LGALS8: variants seen among roughly 807,000 people sequenced by gnomAD.
The protein encoded by LGALS8 is galectin-8.
Under a neutral mutation model 35.9 loss-of-function variants are expected in LGALS8, and 30 were observed. That is an observed-to-expected ratio of 0.83 (90% CI 0.62 to 1.13). The LOEUF (loss-of-function observed/expected upper bound fraction) is 1.13. Among genes scored for constraint, LGALS8 ranks in the 50% most tolerant of loss-of-function variants. The pLI is 0.00. For synonymous variants in LGALS8, 138 were observed against 136.1 expected, an observed-to-expected ratio of 1.01 and a Z score of -0.10; for missense variants, 366 against 388.7, an observed-to-expected ratio of 0.94 and a Z score of 0.49.
At chr1:236,532,553 T>A (rs892280635) in intron 2 of LGALS8, among the ~76,000 whole-genome samples, 2 of 151,914 alleles carry the variant, frequency 1.3e-5, no homozygotes, top group Non-Finnish European at 2.9e-5. Context: ...CTGAAACCTG[T>A]CTCCCAGGCC....
chr1:236,518,403 AG>A (rs1326559377), intron 1 of LGALS8: 2 of 152,212 alleles, frequency 1.3e-5, no homozygotes, highest in African/African-American at 4.8e-5. Flanking sequence ...GAGGATTCAA[AG>A]GAGAAATGAA....
chr1:236,533,959 T>C (rs1338943464), intron 2 of LGALS8, among the ~76,000 whole-genome samples: 1 of 152,136 alleles, frequency 6.6e-6, no homozygotes, highest in Non-Finnish European at 1.5e-5. Flanking sequence ...TGACCCTCGA[T>C]ATAGCTGCCC....
rs1337028600 is a variant in LGALS8 at position 236,548,415 on chromosome 1, T to G, written c.*254T>G. On this transcript the variant is annotated 3_prime_UTR_variant, in exon 10 of 10. Transcript: ENST00000366584. ...CCCTCTCTCCTACTTTGGCTGACTC[T>G]TCAAGAATGCCATTCAACAAGTATT... The G allele has an allele frequency of 6.4e-6, 3 of 471,296 alleles. No individual in the cohort carries two copies. The highest frequency in any genetic ancestry group is 1.1e-5 in the Non-Finnish European group (3 of 262,330). 29.2% of individuals were successfully genotyped at this position (471,296 alleles called of 1,614,324 possible). A position where few individuals can be genotyped will look rare whatever the true frequency, so the allele number is the denominator to read the frequency against.
intron 1 of LGALS8, among the ~76,000 whole-genome samples, 183 bp from the exon 2 acceptor site, chr1:236,525,785 C>T (rs981675271): frequency 2.0e-5 from 3 of 152,166 alleles, no homozygotes; most frequent in Non-Finnish European, 4.4e-5. Context: ...CCTACACTCA[C>T]AATCCAAAAT....
intron 2 of LGALS8, among the ~76,000 whole-genome samples, chr1:236,533,526 GT>G: frequency 6.6e-6 from 1 of 152,108 alleles, no homozygotes; most frequent in East Asian, 1.9e-4. Context: ...TAGAGATGGG[GT>G]TTCTCCACGT....
rs571593618 is a variant in LGALS8, at chr1:236,550,576, C to T, written c.*2415C>T. On this transcript the variant is annotated 3_prime_UTR_variant, in exon 10 of 10. Transcript: ENST00000366584. ...GTTAAGGCTTACAGTGCAAATGAGG[C>T]GTCAGCTTTGGGTGCTAAAATTAAC... is the stretch of plus-strand genomic sequence containing the variant. The T allele has an allele frequency of 1.1e-4, 26 of 239,720 alleles. No individual in the cohort carries two copies. The highest frequency in any genetic ancestry group is 3.5e-4 in the South Asian group (3 of 8,658). The allele number at this position is 239,720 out of a possible 1,614,324, so 14.8% of individuals were successfully genotyped here. A position where few individuals can be genotyped will look rare whatever the true frequency, so the allele number is the denominator to read the frequency against.
Position 236,548,139 on chromosome 1 carries a change from T to TA in LGALS8, c.933dup (p.Leu312ThrfsTer24). 1 of 1,613,904 alleles carries TA rather than the reference T, an allele frequency of 6.2e-7. No homozygotes were observed. Among genetic ancestry groups the TA allele is most frequent in the Non-Finnish European group, 8.5e-7 (1 of 1,179,824 alleles). ...CTGGAAATTAATGGAGACATCCACT[T>TA]ACTGGAAGTAAGGAGCTGGTAGCCT... On this transcript the variant is annotated frameshift_variant, in exon 10 of 10. Transcript: ENST00000366584. LOFTEE classifies it high-confidence loss of function.
rs1662521313 is a variant in LGALS8 at position 236,548,088 on chromosome 1, T to G, written c.881T>G (p.Phe294Cys). 2 of 1,613,870 alleles carry G rather than the reference T, an allele frequency of 1.2e-6. No homozygotes were observed. The highest frequency in any genetic ancestry group is 4.5e-5 in the East Asian group (2 of 44,878). ...GVHSLEYKHR[F>C]KELSSIDTLE... ...CACAGCCTGGAGTACAAACACAGATTTAAAGAGCTCAGCAGTATTGACACG... is the reference window on the plus strand; with the variant it reads ...CACAGCCTGGAGTACAAACACAGATGTAAAGAGCTCAGCAGTATTGACACG... Residue 294 changes from phenylalanine (F) to cysteine (C), a missense_variant, in exon 10 of 10, where the codon TTT becomes TGT. Phe to Cys is a radical substitution (Grantham distance 205). Transcript: ENST00000366584.
chr1:236,543,897 T>C (rs1662192080), intron 8 of LGALS8, among the ~76,000 whole-genome samples: 1 of 151,956 alleles, frequency 6.6e-6, no homozygotes, highest in South Asian at 2.1e-4. Context: ...ACGAGGCCTA[T>C]CCTTGCCTTG....
intron 1 of LGALS8, 110 bp downstream of exon 1, chr1:236,524,171 C>T (rs1336562909): frequency 2.2e-5 from 10 of 456,570 alleles, no homozygotes; most frequent in African/African-American, 2.0e-4. Context: ...GCTCCTAAAT[C>T]ACCATTTGAT....
At position 236,544,927 on chromosome 1, in the gene LGALS8, G is replaced by A. The variant is rs1021298234; in HGVS notation, c.804+12G>A. On this transcript the variant is annotated intron_variant, in intron 9 of 9. Coordinates refer to ENST00000366584, the MANE Select transcript of LGALS8 (RefSeq NM_201544.4). ...GGATGTACTTTGAGGTGAGGTTACA[G>A]TTTTTGAAAATGGGACAGCAATAAG... 1.3e-5 allele frequency: 20 copies of A among 1,588,320 alleles called. No individual in the cohort carries two copies. Among genetic ancestry groups the A allele is most frequent in the Non-Finnish European group, 1.7e-5 (20 of 1,164,984 alleles).
intron 9 of LGALS8, among the ~76,000 whole-genome samples, chr1:236,547,148 G>A (rs144913468): frequency 1.3e-5 from 2 of 152,336 alleles, no homozygotes; most frequent in Non-Finnish European, 2.9e-5. Flanking sequence ...TCATGGGGGC[G>A]AGGAGCACAG....
In LGALS8 at chr1:236,550,760, G is replaced by GT. The variant is rs1662693190; in HGVS notation, c.*2600dup. ...GCAGCACAAGCCAGGTGGGGATTTT[G>GT]TAAAGAAGTGATAAAACATTTGTAA... is the stretch of plus-strand genomic sequence containing the variant. On this transcript the variant is annotated 3_prime_UTR_variant, in exon 10 of 10. Coordinates refer to ENST00000366584, the MANE Select transcript of LGALS8 (RefSeq NM_201544.4). 1 of 626,808 alleles carries GT rather than the reference G, an allele frequency of 1.6e-6. No individual in the cohort carries two copies. The highest frequency in any genetic ancestry group is 3.3e-5 in the Admixed American group (1 of 30,756). 38.8% of individuals were successfully genotyped at this position (626,808 alleles called of 1,614,324 possible).
At chr1:236,546,620 CTTCTT>C (rs1178052165) in intron 9 of LGALS8, among the ~76,000 whole-genome samples, 2 of 152,090 alleles carry the variant, frequency 1.3e-5, no homozygotes, top group Admixed American at 6.5e-5. Context: ...AAGGATGTGC[CTTCTT>C]TTCATTTGCA....
In LGALS8 at chr1:236,525,987, A is replaced by G. The variant is rs1571987967; in HGVS notation, c.-84A>G. ...ACACAGGGCCAGTGCCTCAGTTTCA[A>G]TCCAGGTAACCTTTAAATGAAACTT... On this transcript the variant is annotated 5_prime_UTR_variant, in exon 2 of 10. Coordinates refer to ENST00000366584, the MANE Select transcript of LGALS8 (RefSeq NM_201544.4). 9.4e-7 allele frequency: 1 copy of G among 1,067,374 alleles called. No homozygotes were observed. The highest frequency in any genetic ancestry group is 2.4e-5 in the East Asian group (1 of 42,078). The allele number at this position is 1,067,374 out of a possible 1,614,324, so 66.1% of individuals were successfully genotyped here. A position where few individuals can be genotyped will look rare whatever the true frequency, so the allele number is the denominator to read the frequency against.
chr1:236,526,132 AG>A lies in LGALS8; in HGVS notation c.45+18del, dbSNP rs770908239. On this transcript the variant is annotated intron_variant, in intron 2 of 9. Coordinates refer to ENST00000366584, the MANE Select transcript of LGALS8 (RefSeq NM_201544.4). The surrounding 1 kb of genome is among the most constrained non-coding windows in gnomAD (Gnocchi z 4.6). ...TATAACCCGGTAACTGATTTCTATAAGATAACTTTTTACCTATGCCAGGACA... is the reference window on the plus strand; with the variant it reads ...TATAACCCGGTAACTGATTTCTATAAATAACTTTTTACCTATGCCAGGACA... The A allele has an allele frequency of 6.4e-7, 1 of 1,571,550 alleles. No individual in the cohort carries two copies. Among genetic ancestry groups the A allele is most frequent in the South Asian group, 1.1e-5 (1 of 90,172 alleles).
intron 2 of LGALS8, among the ~76,000 whole-genome samples, chr1:236,529,622 G>GTTTTTT (rs11316979): frequency 8.7e-6 from 1 of 114,746 alleles, no homozygotes; most frequent in Non-Finnish European, 1.6e-5. Context: ...TTCCTTTTCT[G>GTTTTTT]TTTTTTTTTT....
chr1:236,530,515 AG>A (rs1202013073), intron 2 of LGALS8, among the ~76,000 whole-genome samples: 2 of 152,008 alleles, frequency 1.3e-5, no homozygotes, highest in African/African-American at 2.4e-5. Context: ...GATCACTCAT[AG>A]ATTTTTTTTT....
chr1:236,527,924 T>C (rs952459147), intron 2 of LGALS8, among the ~76,000 whole-genome samples: 2 of 152,000 alleles, frequency 1.3e-5, no homozygotes, highest in African/African-American at 2.4e-5. Flanking sequence ...TTAGTAGATA[T>C]GGGGTTTCAC....
Sources: gnomAD v4.1 joint callset for allele counts (sites outside exome capture counted in the v4.1 genomes callset) on GRCh38, gnomAD v4.1.1 for gene constraint, Gnocchi (gnomAD v3.1) non-coding constraint, MANE v1.5 for transcripts, NCBI Gene and HGNC (gene_info 2026-07-23, HGNC 2026-07-21) for gene names.